The following POU6F2 variants were observed in gnomAD, a reference collection of about 807,000 sequenced individuals.
POU6F2 encodes POU class 6 homeobox 2.
POU6F2 carries 31 observed loss-of-function variants against 71.3 expected under a neutral mutation model. The ratio of observed to expected loss-of-function variants is 0.43; its 90% CI spans 0.33 to 0.59. The LOEUF is 0.59. Ranked by LOEUF, POU6F2 falls within the 20% of genes least tolerant of loss-of-function variation. The pLI, the probability that POU6F2 is intolerant of heterozygous loss-of-function variation, is 0.04. For missense variants in POU6F2, 783 were observed against 856.8 expected (o/e 0.91, Z 1.07); for synonymous variants, 347 against 355.7 (o/e 0.98, Z 0.27).
intron 1 of POU6F2, among the ~76,000 whole-genome samples, chr7:38,986,197 T>G (rs1881133): frequency 0.082 from 12,551 of 152,196 alleles, 650 homozygotes; most frequent in African/African-American, 0.15. Context: ...CCTCTCAACT[T>G]GGTTGAGAAT....
intron 7 of POU6F2, among the ~76,000 whole-genome samples, chr7:39,445,301 A>G (rs1192107464): frequency 6.6e-6 from 1 of 152,222 alleles, no homozygotes; most frequent in Non-Finnish European, 1.5e-5. Context: ...AAATAGAGTA[A>G]GGGTTTGCCT....
At chr7:39,260,572 C>T (rs1044472825) in intron 4 of POU6F2, among the ~76,000 whole-genome samples, 2 of 151,140 alleles carry the variant, frequency 1.3e-5, no homozygotes, top group African/African-American at 4.9e-5. Flanking sequence ...ACACATACCA[C>T]ATTCCACACA....
At chr7:39,022,694 T>C (rs1350861249) in intron 1 of POU6F2, among the ~76,000 whole-genome samples, 1 of 152,064 alleles carries the variant, frequency 6.6e-6, no homozygotes, top group Non-Finnish European at 1.5e-5. Flanking sequence ...ATTGGGACTT[T>C]CCCCCGCTTT....
At chr7:39,301,966 C>A (rs973370668) in intron 4 of POU6F2, among the ~76,000 whole-genome samples, 2 of 152,054 alleles carry the variant, frequency 1.3e-5, no homozygotes, top group East Asian at 3.9e-4. Context: ...AAAAAGAATT[C>A]TTCCTCTTTA....
intron 1 of POU6F2, among the ~76,000 whole-genome samples, chr7:39,033,095 A>G (rs559572188): frequency 6.6e-6 from 1 of 152,350 alleles, no homozygotes; most frequent in South Asian, 2.1e-4. Flanking sequence ...TTCAAGGACT[A>G]TTAACGTCAC....
At chr7:39,018,905 T>G (rs868346435) in intron 1 of POU6F2, among the ~76,000 whole-genome samples, 1 of 152,268 alleles carries the variant, frequency 6.6e-6, no homozygotes, top group Non-Finnish European at 1.5e-5. Context: ...ACTTACTACC[T>G]AGAATTCATT....
At chr7:39,267,811 A>G (rs1784277189) in intron 4 of POU6F2, among the ~76,000 whole-genome samples, 1 of 152,124 alleles carries the variant, frequency 6.6e-6, no homozygotes, top group Non-Finnish European at 1.5e-5. Context: ...GTTAACCCTA[A>G]TTAGCTAGTC....
intron 1 of POU6F2, among the ~76,000 whole-genome samples, chr7:38,980,930 G>A (rs1788300752): frequency 6.6e-6 from 1 of 152,146 alleles, no homozygotes; most frequent in Non-Finnish European, 1.5e-5. Context: ...TGGCTTCACA[G>A]AGTAGAAATT....
intron 7 of POU6F2, among the ~76,000 whole-genome samples, chr7:39,440,354 C>T (rs928186974): frequency 3.9e-5 from 6 of 152,088 alleles, no homozygotes; most frequent in South Asian, 2.1e-4. Flanking sequence ...GATGAAGTCC[C>T]GTATTTCTTG....
chr7:39,317,380 T>C (rs1206482172), intron 4 of POU6F2, among the ~76,000 whole-genome samples: 1 of 152,232 alleles, frequency 6.6e-6, no homozygotes, highest in Non-Finnish European at 1.5e-5. Context: ...ATAGTCCACG[T>C]TGGCTTGGAA....
At chr7:39,110,165 G>A (rs1218834579) in intron 2 of POU6F2, among the ~76,000 whole-genome samples, 5 of 151,540 alleles carry the variant, frequency 3.3e-5, no homozygotes, top group African/African-American at 1.2e-4. Context: ...CAGCTACTCA[G>A]GAGGCTGAGG....
Position 39,464,641 on chromosome 7 carries a change from A to G in POU6F2, c.2118A>G (p.Ala706=), listed in dbSNP as rs780366816. The part of the protein sequence containing the change: ...KRLKQHEPAT[A]VPLEPLTDSL... ...TAAAACAGCACGAGCCGGCCACGGC[A>G]GTCCCTTTGGAGCCCTTAACAGACT... Residue 706 remains alanine, a synonymous_variant, in exon 10 of 10, where the codon GCA becomes GCG. Coordinates refer to ENST00000518318, the MANE Select transcript of POU6F2 (RefSeq NM_001370959.1). This position sits in a 1 kb window ranked among gnomAD's most constrained non-coding sequence, Gnocchi z 4.1. The G allele has an allele frequency of 6.2e-7, 1 of 1,608,854 alleles. No individual in the cohort carries two copies. Among genetic ancestry groups the G allele is most frequent in the Non-Finnish European group, 8.5e-7 (1 of 1,177,652 alleles).
intron 1 of POU6F2, among the ~76,000 whole-genome samples, chr7:39,075,084 C>T (rs575172193): frequency 2.0e-5 from 3 of 152,210 alleles, no homozygotes; most frequent in South Asian, 4.2e-4. Context: ...TGTTCGAGGT[C>T]GCAGGTGAGG....
chr7:39,196,284 CATAG>C (rs1478368819), intron 2 of POU6F2, among the ~76,000 whole-genome samples: 1 of 152,066 alleles, frequency 6.6e-6, no homozygotes, highest in Non-Finnish European at 1.5e-5. Context: ...CTATTATCAG[CATAG>C]ATAATGAGTT....
intron 4 of POU6F2, among the ~76,000 whole-genome samples, chr7:39,210,848 G>A (rs970084467): frequency 6.6e-6 from 1 of 152,142 alleles, no homozygotes; most frequent in African/African-American, 2.4e-5. Flanking sequence ...ATTATTCAAA[G>A]TTCATTAGGC....
At chr7:39,218,197 C>T (rs546049455) in intron 4 of POU6F2, among the ~76,000 whole-genome samples, 1 of 152,192 alleles carries the variant, frequency 6.6e-6, no homozygotes, top group South Asian at 2.1e-4. Context: ...TAGACTGTCA[C>T]TGATGCCTAA....
intron 4 of POU6F2, among the ~76,000 whole-genome samples, chr7:39,261,383 A>G (rs1190033492): frequency 6.6e-6 from 1 of 152,220 alleles, no homozygotes; most frequent in Non-Finnish European, 1.5e-5. Flanking sequence ...TGCCTCTTAG[A>G]ACATATCCAA....
chr7:39,447,735 T>G (rs1161793735), intron 7 of POU6F2, among the ~76,000 whole-genome samples: 1 of 152,224 alleles, frequency 6.6e-6, no homozygotes, highest in Non-Finnish European at 1.5e-5. Context: ...AAGAAACTTT[T>G]TCTTCTGCTT....
chr7:39,430,760 G>GC (rs1788081987), intron 6 of POU6F2, among the ~76,000 whole-genome samples: 1 of 152,114 alleles, frequency 6.6e-6, no homozygotes, highest in Non-Finnish European at 1.5e-5. Flanking sequence ...CCGACACCCT[G>GC]CCCCAAACAG....
Sources: allele counts gnomAD v4.1 joint callset (sites outside exome capture counted in the v4.1 genomes callset), GRCh38; gene constraint gnomAD v4.1.1; non-coding constraint Gnocchi (gnomAD v3.1); transcripts MANE v1.5; gene names NCBI Gene and HGNC (gene_info 2026-07-23, HGNC 2026-07-21).